Variants in SH3RF3 observed in about 807,000 individuals in gnomAD.
The protein encoded by SH3RF3 is SH3 domain containing ring finger 3.
SH3RF3 carries 29 observed loss-of-function variants against 66.3 expected under a neutral mutation model. The ratio of observed to expected loss-of-function variants is 0.44; its 90% CI spans 0.33 to 0.60. The LOEUF is 0.60. Ranked by LOEUF, SH3RF3 falls within the 20% of genes least tolerant of loss-of-function variation. SH3RF3 has a pLI of 0.04. For synonymous variants in SH3RF3, 583 were observed against 532.0 expected, an observed-to-expected ratio of 1.10 and a Z score of -1.32; for missense variants, 1,194 against 1,190.9, an observed-to-expected ratio of 1.00 and a Z score of -0.04.
chr2:109,174,165 T>C (rs1398539094), intron 1 of SH3RF3, among the ~76,000 whole-genome samples: 1 of 152,228 alleles, frequency 6.6e-6, no homozygotes, highest in Non-Finnish European at 1.5e-5. Context: ...CTCCAGGATG[T>C]TGTGGAGTTC....
intron 1 of SH3RF3, among the ~76,000 whole-genome samples, chr2:109,195,274 C>T (rs915705394): frequency 1.3e-5 from 2 of 152,160 alleles, no homozygotes; most frequent in East Asian, 3.9e-4. Context: ...AGGGAGCTAA[C>T]AGGAGGGTCC....
At chr2:109,287,829 C>T (rs1681066548) in intron 1 of SH3RF3, among the ~76,000 whole-genome samples, 1 of 152,200 alleles carries the variant, frequency 6.6e-6, no homozygotes, top group Non-Finnish European at 1.5e-5. Flanking sequence ...CTGCACTCTC[C>T]TGTGTGCAGT....
intron 3 of SH3RF3, among the ~76,000 whole-genome samples, chr2:109,384,889 T>C (rs2104391436): frequency 6.6e-6 from 1 of 152,288 alleles, no homozygotes; most frequent in Admixed American, 6.5e-5. Flanking sequence ...CCACAGTTCA[T>C]TCTCACACAG....
chr2:109,276,346 G>A (rs146237192), intron 1 of SH3RF3, among the ~76,000 whole-genome samples: 5 of 152,328 alleles, frequency 3.3e-5, no homozygotes, highest in Non-Finnish European at 5.9e-5. Flanking sequence ...GGCATTGATG[G>A]CAAATATGTG....
At chr2:109,395,697 G>T (rs79453507) in intron 3 of SH3RF3, among the ~76,000 whole-genome samples, 1 of 152,238 alleles carries the variant, frequency 6.6e-6, no homozygotes, top group Non-Finnish European at 1.5e-5. Context: ...TCGGGGACAC[G>T]TGCTGGTGGC....
Position 109,457,285 on chromosome 2 carries a change from TC to T in SH3RF3, c.2148+7800del, listed in dbSNP as rs994618582. On this transcript the variant is annotated intron_variant, in intron 8 of 9. Coordinates refer to ENST00000309415, the MANE Select transcript of SH3RF3 (RefSeq NM_001099289.3). ...GATCCATACAGATGTAAAACTTATA[TC>T]CCCGAGGCTTCTCTAAAAGATCAAA... Among the ~76,000 whole-genome samples the T allele has an allele frequency of 9.2e-5, 14 of 152,322 alleles. No individual in the cohort carries two copies. The South Asian group carries it at 1.7e-3, about 18-fold the overall frequency.
At position 109,307,935 on chromosome 2, in the gene SH3RF3, A is replaced by G. The variant is rs879758376; in HGVS notation, c.574-39739A>G. 2.2e-3 allele frequency among the ~76,000 whole-genome samples: 293 copies of G among 131,224 alleles called. 7 individuals are homozygous for G. Among genetic ancestry groups the G allele is most frequent in the Admixed American group, 4.8e-3 (65 of 13,418 alleles). The allele number at this position is 131,224 out of a possible 152,430, so 86.1% of individuals were successfully genotyped here. On this transcript the variant is annotated intron_variant, in intron 1 of 9. Transcript: ENST00000309415. ...ATGATTTATAGTCCTTTGGGTATAT[A>G]CCCAGTAATGGGATGGCTGGGTCAA...
At chr2:109,345,692 A>G (rs1559034889) in intron 1 of SH3RF3, among the ~76,000 whole-genome samples, 2 of 152,234 alleles carry the variant, frequency 1.3e-5, no homozygotes, top group Non-Finnish European at 2.9e-5. Flanking sequence ...CCTCATGAAA[A>G]TAAATGTTAT....
chr2:109,360,560 A>G (rs1165013921), intron 2 of SH3RF3, among the ~76,000 whole-genome samples: 4 of 152,282 alleles, frequency 2.6e-5, no homozygotes, highest in Non-Finnish European at 5.9e-5. Context: ...CAAATATTCC[A>G]AAATCTGAAA....
At chr2:109,207,013 G>C (rs557757210) in intron 1 of SH3RF3, among the ~76,000 whole-genome samples, 1 of 152,174 alleles carries the variant, frequency 6.6e-6, no homozygotes, top group Non-Finnish European at 1.5e-5. Context: ...ATTTGCAGGA[G>C]GTGAGAACCA....
chr2:109,309,253 GTGATTTTTGTACAT>G (rs1252405639), intron 1 of SH3RF3, among the ~76,000 whole-genome samples: 1 of 146,348 alleles, frequency 6.8e-6, no homozygotes, highest in African/African-American at 2.7e-5. Flanking sequence ...AAGAATGCTT[GTGATTTTTGTACAT>G]TGATTTTGTA....
rs745629229 is a variant in SH3RF3, at chr2:109,367,430, C to T, written c.850-4156C>T. Among the ~76,000 whole-genome samples the T allele has an allele frequency of 1.4e-4, 22 of 152,074 alleles. 1 individual carries two copies. The highest frequency in any genetic ancestry group is 5.9e-4 in the Admixed American group (9 of 15,278). On this transcript the variant is annotated intron_variant, in intron 2 of 9. Transcript: ENST00000309415. Reference sequence around the variant, plus strand: ...ACAAGTAGCTGGGACTACAGGCACACGGCCTCATGCCTGGCTAGTTGTTGT... The same window carrying T: ...ACAAGTAGCTGGGACTACAGGCACATGGCCTCATGCCTGGCTAGTTGTTGT...
At chr2:109,392,665 C>T in intron 3 of SH3RF3, among the ~76,000 whole-genome samples, 1 of 152,050 alleles carries the variant, frequency 6.6e-6, no homozygotes, top group Non-Finnish European at 1.5e-5. Flanking sequence ...ACTACAGGCG[C>T]CTGCCACCAC....
At chr2:109,255,930 G>A (rs567956765) in intron 1 of SH3RF3, among the ~76,000 whole-genome samples, 17 of 152,304 alleles carry the variant, frequency 1.1e-4, no homozygotes, top group Middle Eastern at 3.4e-3. Flanking sequence ...TGAAAGGAAG[G>A]GGAAGAGGAA....
intron 4 of SH3RF3, among the ~76,000 whole-genome samples, chr2:109,416,264 T>C (rs1676718226): frequency 1.3e-5 from 2 of 152,114 alleles, no homozygotes; most frequent in Admixed American, 6.5e-5. Context: ...AAGGGGCCTG[T>C]GCACGCTGAA....
At chr2:109,478,786 G>A (rs748018512) in intron 8 of SH3RF3, among the ~76,000 whole-genome samples, 9 of 152,130 alleles carry the variant, frequency 5.9e-5, no homozygotes, top group Non-Finnish European at 1.0e-4. Context: ...CTAGCCCTGG[G>A]AAGCTCATGA....
intron 8 of SH3RF3, among the ~76,000 whole-genome samples, chr2:109,482,647 TG>T (rs1296181188): frequency 1.3e-5 from 2 of 152,174 alleles, no homozygotes; most frequent in African/African-American, 2.4e-5. Context: ...GTGCTGTAAA[TG>T]GTAATAATCC....
chr2:109,371,674 A>G lies in SH3RF3; in HGVS notation c.938A>G (p.Tyr313Cys). 1.2e-6 allele frequency: 2 copies of G among 1,613,684 alleles called. No individual in the cohort carries two copies. The highest frequency in any genetic ancestry group is 1.7e-6 in the Non-Finnish European group (2 of 1,179,778). ...AAGATCGGGATCTTCCCGCTCCTGT[A>G]CGTGGAGGTAAGACCGTGCCGCCCT... ...GDKIGIFPLL[Y>C]VELNDSAKQL... Residue 313 changes from tyrosine to cysteine, a missense_variant, in exon 3 of 10, where the codon TAC (tyrosine) becomes TGC (cysteine). Transcript: ENST00000309415.
At chr2:109,280,847 G>C (rs1222794539) in intron 1 of SH3RF3, among the ~76,000 whole-genome samples, 1 of 152,158 alleles carries the variant, frequency 6.6e-6, no homozygotes, top group African/African-American at 2.4e-5. Context: ...TTTTATGTCC[G>C]TTGCACATTA....
Sources: gnomAD v4.1 joint callset for allele counts (sites outside exome capture counted in the v4.1 genomes callset) on GRCh38, gnomAD v4.1.1 for gene constraint, MANE v1.5 for transcripts, NCBI Gene and HGNC (gene_info 2026-07-23, HGNC 2026-07-21) for gene names.